Variants in SEL1L3 observed in about 807,000 individuals in gnomAD.
SEL1L3 encodes the protein SEL1L family member 3, also known as protein sel-1 homolog 3.
SEL1L3 carries 76 observed loss-of-function variants against 142.8 expected under a neutral mutation model. The observed-to-expected ratio is 0.53, with a 90% CI of 0.44 to 0.64. SEL1L3 has a LOEUF of 0.64. Ranked by LOEUF, SEL1L3 falls within the 30% of genes least tolerant of loss-of-function variation. The pLI, the probability that SEL1L3 is intolerant of heterozygous loss-of-function variation, is 0.00. For missense variants in SEL1L3, 1,262 were observed against 1,381.7 expected (o/e 0.91, Z 1.37); for synonymous variants, 504 against 519.6 (o/e 0.97, Z 0.41).
At chr4:25,824,658 G>A (rs962203016) in intron 6 of SEL1L3, among the ~76,000 whole-genome samples, 1 of 152,232 alleles carries the variant, frequency 6.6e-6, no homozygotes, top group African/African-American at 2.4e-5. Context: ...GCCTGGTGCA[G>A]TGGCTCATGC....
chr4:25,765,237 G>A (rs1176743576), intron 20 of SEL1L3, 89 bp downstream of exon 20: 19 of 833,716 alleles, frequency 2.3e-5, no homozygotes, highest in Admixed American at 3.7e-5. Flanking sequence ...CAAGTGACCC[G>A]CCCCCGTCGG....
chr4:25,735,357 T>G, the SEL1L3 span, among the ~76,000 whole-genome samples: 634 of 152,222 alleles, frequency 4.2e-3, 6 homozygotes, highest in African/African-American at 0.015. Flanking sequence ...CTTATTACTC[T>G]TTTAATGTCT....
At chr4:25,826,614 C>G (rs950597579) in intron 6 of SEL1L3, among the ~76,000 whole-genome samples, 2 of 151,996 alleles carry the variant, frequency 1.3e-5, no homozygotes, top group Non-Finnish European at 1.5e-5. Context: ...GGCAGGGCAG[C>G]TGGGGTGGTG....
chr4:25,731,339 A>G, the SEL1L3 span, among the ~76,000 whole-genome samples: 6 of 152,194 alleles, frequency 3.9e-5, no homozygotes, highest in Non-Finnish European at 7.3e-5. Context: ...GTACAGCTTC[A>G]TTAAGGTACA....
At chr4:25,731,897 A>T in the SEL1L3 span, among the ~76,000 whole-genome samples, 1 of 152,056 alleles carries the variant, frequency 6.6e-6, no homozygotes, top group Admixed American at 6.6e-5. Context: ...ACATGACGAA[A>T]ACCCATCTCT....
At chr4:25,717,582 C>T in the SEL1L3 span, among the ~76,000 whole-genome samples, 1 of 152,210 alleles carries the variant, frequency 6.6e-6, no homozygotes, top group African/African-American at 2.4e-5. Context: ...AGGAGAATCA[C>T]TTGAACCCGG....
chr4:25,850,554 C>T (rs995711188), intron 1 of SEL1L3, among the ~76,000 whole-genome samples: 4 of 152,316 alleles, frequency 2.6e-5, no homozygotes, highest in East Asian at 1.9e-4. Context: ...AATGCACTCA[C>T]CCTCTGGACC....
intron 1 of SEL1L3, 62 bp downstream of exon 1, chr4:25,862,613 C>A: frequency 3.1e-6 from 3 of 959,146 alleles, no homozygotes; most frequent in East Asian, 7.4e-5. Context: ...CCCCGGCCGC[C>A]CCCACCCGCG....
chr4:25,849,378 G>A (rs1280483232), intron 1 of SEL1L3, among the ~76,000 whole-genome samples: 1 of 152,208 alleles, frequency 6.6e-6, no homozygotes, highest in African/African-American at 2.4e-5. Context: ...GATGTATGCT[G>A]TAAAATGGAT....
chr4:25,772,323 A>G (rs533843401), intron 17 of SEL1L3, among the ~76,000 whole-genome samples: 1 of 152,240 alleles, frequency 6.6e-6, no homozygotes, highest in African/African-American at 2.4e-5. Context: ...CTTTAAAAAT[A>G]ATTAGCTTCT....
Position 25,788,295 on chromosome 4 carries a change from A to G in SEL1L3, c.2146T>C (p.Trp716Arg), listed in dbSNP as rs1187935285. ...GTCTCCAGGGCGCCCTTGGCGTACC[A>G]CTCAATTGCTGCTTCGGGATTCTTG... Reference protein sequence around the residue: ...VAKNPEAAIEWYAKGALETED... With the variant: ...VAKNPEAAIERYAKGALETED... The change falls in exon 13 of 24, where the codon TGG (tryptophan) becomes CGG (arginine). Residue 716 changes from tryptophan to arginine, a missense_variant. Transcript: ENST00000399878. This position sits in a 1 kb window ranked among gnomAD's most constrained non-coding sequence, Gnocchi z 5.3. 3 of 1,613,926 alleles carry G rather than the reference A, an allele frequency of 1.9e-6. No individual in the cohort carries two copies. Among genetic ancestry groups the G allele is most frequent in the Non-Finnish European group, 2.5e-6 (3 of 1,179,840 alleles).
intron 2 of SEL1L3, among the ~76,000 whole-genome samples, chr4:25,838,650 C>T (rs1234731054): frequency 6.6e-6 from 1 of 152,192 alleles, no homozygotes; most frequent in Non-Finnish European, 1.5e-5. Context: ...TCCAAGGCCC[C>T]GCCACCCACC....
chr4:25,812,635 C>G (rs946165495), intron 9 of SEL1L3, among the ~76,000 whole-genome samples: 2 of 151,542 alleles, frequency 1.3e-5, no homozygotes, highest in Non-Finnish European at 2.9e-5. Context: ...TAGCTTGAAC[C>G]CGGGAGGCAG....
chr4:25,850,997 C>A (rs1716855248), intron 1 of SEL1L3, among the ~76,000 whole-genome samples: 1 of 151,880 alleles, frequency 6.6e-6, no homozygotes, highest in Admixed American at 6.6e-5. Flanking sequence ...ATTACAGGCA[C>A]CTGCCACCAC....
intron 9 of SEL1L3, among the ~76,000 whole-genome samples, chr4:25,805,708 C>G (rs137868336): frequency 6.6e-6 from 1 of 152,274 alleles, no homozygotes; most frequent in African/African-American, 2.4e-5. Flanking sequence ...CTTTGTTATT[C>G]ATATCTCTTG....
rs903576180 is a variant in SEL1L3 at position 25,862,888 on chromosome 4, G to A, written c.-52C>T. 2.0e-5 allele frequency: 21 copies of A among 1,044,356 alleles called. No homozygotes were observed. The African/African-American group carries it at 2.1e-4, about 10-fold the overall frequency. The allele number at this position is 1,044,356 out of a possible 1,614,324, so 64.7% of individuals were successfully genotyped here. On this transcript the variant is annotated 5_prime_UTR_variant, in exon 1 of 24. Coordinates refer to ENST00000399878, the MANE Select transcript of SEL1L3 (RefSeq NM_015187.5). ...AACAGGTCACCTGGTGCAGGGACCG[G>A]CCCCCGCCCGAGGCGCCACCTTCCC...
intron 2 of SEL1L3, among the ~76,000 whole-genome samples, chr4:25,844,580 T>C (rs1035842623): frequency 1.3e-4 from 20 of 152,240 alleles, no homozygotes; most frequent in African/African-American, 4.8e-4. Context: ...TAAGGGCATA[T>C]TCAGGTGCCC....
chr4:25,855,704 T>C (rs558013626), intron 1 of SEL1L3, among the ~76,000 whole-genome samples: 58 of 151,986 alleles, frequency 3.8e-4, no homozygotes, highest in African/African-American at 1.4e-3. Context: ...GAGGTTGCAG[T>C]GAGCCGAGAT....
Position 25,862,868 on chromosome 4 carries a change from G to T in SEL1L3, c.-32C>A. On this transcript the variant is annotated 5_prime_UTR_variant, in exon 1 of 24. Coordinates refer to ENST00000399878, the MANE Select transcript of SEL1L3 (RefSeq NM_015187.5). ...GCCGCCCGGATCCGGGCCGGAACAGGTCACCTGGTGCAGGGACCGGCCCCC... is the reference window on the plus strand; with the variant it reads ...GCCGCCCGGATCCGGGCCGGAACAGTTCACCTGGTGCAGGGACCGGCCCCC... 9.3e-7 allele frequency: 1 copy of T among 1,077,594 alleles called. No homozygotes were observed. Among genetic ancestry groups the T allele is most frequent in the Non-Finnish European group, 1.1e-6 (1 of 891,200 alleles). 66.8% of individuals were successfully genotyped at this position (1,077,594 alleles called of 1,614,324 possible).
Sources: gnomAD v4.1 joint callset for allele counts (sites outside exome capture counted in the v4.1 genomes callset) on GRCh38, gnomAD v4.1.1 for gene constraint, Gnocchi (gnomAD v3.1) non-coding constraint, MANE v1.5 for transcripts, NCBI Gene and HGNC (gene_info 2026-07-23, HGNC 2026-07-21) for gene names.